The following SYCP2 variants were observed in gnomAD, a reference collection of about 807,000 sequenced individuals.
The protein encoded by SYCP2 is synaptonemal complex protein 2.
In SYCP2, 55 loss-of-function variants were observed where a neutral mutation model predicts 211.3. The ratio of observed to expected loss-of-function variants is 0.26; its 90% CI spans 0.21 to 0.33. SYCP2 has a LOEUF of 0.33. Ranked by LOEUF, SYCP2 falls within the 10% of genes least tolerant of loss-of-function variation. The pLI is 1.00. For missense variants in SYCP2, 1,731 were observed against 1,752.0 expected, an observed-to-expected ratio of 0.99 and a Z score of 0.21; for synonymous variants, 570 against 555.2, an observed-to-expected ratio of 1.03 and a Z score of -0.37.
In SYCP2 at chr20:59,890,386, T is replaced by C. The variant is rs544270466; in HGVS notation, c.2364+1604A>G. On this transcript the variant is annotated intron_variant, in intron 24 of 44. Transcript: ENST00000357552. ...ACACAGGGAGGTGAACATCACACAC[T>C]GGGGCCTGTTGGGGGGTGGAGGCCT... Among the ~76,000 whole-genome samples the C allele has an allele frequency of 5.3e-5, 8 of 152,046 alleles. No individual in the cohort carries two copies. The East Asian group carries it at 1.5e-3, about 29-fold the overall frequency.
At chr20:59,867,663 A>T in intron 39 of SYCP2, 48 bp downstream of exon 39, 1 of 1,502,206 alleles carries the variant, frequency 6.7e-7, no homozygotes, top group South Asian at 1.2e-5. Flanking sequence ...AAAGTGTGGC[A>T]TATTATTATA....
intron 18 of SYCP2, among the ~76,000 whole-genome samples, chr20:59,899,425 T>C (rs921549907): frequency 2.0e-5 from 3 of 152,154 alleles, no homozygotes; most frequent in Non-Finnish European, 4.4e-5. Context: ...CTATAGAATT[T>C]TGAAGAAAAG....
Position 59,881,998 on chromosome 20 carries a change from C to T in SYCP2, c.2605G>A (p.Asp869Asn). Reference sequence around the variant, plus strand: ...CCATTCAAATTAAAATTGTAAACATCATTCCTGTGAAAATGAAGAGCAATA... The same window carrying T: ...CCATTCAAATTAAAATTGTAAACATTATTCCTGTGAAAATGAAGAGCAATA... ...VNVTSECPVN[D>N]VYNFNLNGAD... The change falls in exon 28 of 45, where the codon GAT becomes AAT. Residue 869 changes from aspartate (D) to asparagine (N), a missense_variant. Asp to Asn is a conservative substitution (Grantham distance 23). Coordinates refer to ENST00000357552, the MANE Select transcript of SYCP2 (RefSeq NM_014258.4). 1 of 1,612,888 alleles carries T rather than the reference C, an allele frequency of 6.2e-7. No homozygotes were observed. The highest frequency in any genetic ancestry group is 1.3e-5 in the African/African-American group (1 of 74,974).
intron 20 of SYCP2, 120 bp downstream of exon 20, chr20:59,895,317 A>G (rs2059986149): frequency 1.3e-6 from 1 of 765,376 alleles, no homozygotes; most frequent in Non-Finnish European, 2.0e-6. Context: ...TATTTAGGGG[A>G]AAAAAGGTAA....
intron 33 of SYCP2, 73 bp downstream of exon 33, chr20:59,877,312 A>T: frequency 9.7e-7 from 1 of 1,030,158 alleles, no homozygotes. Context: ...GATAAATTTG[A>T]CATTTTTTAC....
At chr20:59,926,753 G>GT (rs1378137394) in intron 2 of SYCP2, among the ~76,000 whole-genome samples, 1 of 152,108 alleles carries the variant, frequency 6.6e-6, no homozygotes, top group East Asian at 1.9e-4. Context: ...AAAAGTTGAG[G>GT]TTTTGAATGT....
At chr20:59,900,869 C>G (rs779215468) in intron 16 of SYCP2, 51 bp from the exon 17 acceptor site, 1 of 1,275,250 alleles carries the variant, frequency 7.8e-7, no homozygotes, top group South Asian at 1.2e-5. Flanking sequence ...TTTCTTTCCA[C>G]TTTTTCATAT....
In SYCP2 at chr20:59,886,825, A is replaced by T; in HGVS notation, c.2374T>A (p.Ser792Thr). The change falls in exon 25 of 45, where the codon TCA becomes ACA. Residue 792 changes from serine (S) to threonine (T), a missense_variant. By Grantham distance (58) the Ser-to-Thr change is moderately conservative (BLOSUM62 1). Coordinates refer to ENST00000357552, the MANE Select transcript of SYCP2 (RefSeq NM_014258.4). Reference protein sequence around the residue: ...DSKQKKMREKSKGKEFTNVAE... With the variant: ...DSKQKKMREKTKGKEFTNVAE... Reference sequence around the variant, plus strand: ...ACATTGGTAAATTCTTTCCCTTTTGACTTTTCTCTCTGAAAAAAATTGTAA... The same window carrying T: ...ACATTGGTAAATTCTTTCCCTTTTGTCTTTTCTCTCTGAAAAAAATTGTAA... 6.4e-7 allele frequency: 1 copy of T among 1,573,660 alleles called. No individual in the cohort carries two copies. Among genetic ancestry groups the T allele is most frequent in the East Asian group, 2.3e-5 (1 of 43,378 alleles).
chr20:59,870,865 G>A (rs6015593), intron 35 of SYCP2, among the ~76,000 whole-genome samples: 2,715 of 151,838 alleles, frequency 0.018, 81 homozygotes, highest in African/African-American at 0.062. Flanking sequence ...CACTCCTGAT[G>A]TCGCACTAAT....
chr20:59,904,524 C>A (rs981675701), intron 15 of SYCP2, among the ~76,000 whole-genome samples: 3 of 152,118 alleles, frequency 2.0e-5, no homozygotes, highest in African/African-American at 7.2e-5. Context: ...TTCAGCCCCT[C>A]TGCCTAAGAA....
Position 59,875,256 on chromosome 20 carries a change from C to A in SYCP2, c.3349+15G>T. On this transcript the variant is annotated intron_variant, in intron 34 of 44. Transcript: ENST00000357552. ...ATTGAATATTCAAGTAAAGAAAAAA[C>A]AAAGTTATACTGACATCTCGTTACT... 1 of 1,529,252 alleles carries A rather than the reference C, an allele frequency of 6.5e-7. No individual in the cohort carries two copies. The allele number at this position is 1,529,252 out of a possible 1,614,324, so 94.7% of individuals were successfully genotyped here. A position where few individuals can be genotyped will look rare whatever the true frequency, so the allele number is the denominator to read the frequency against.
At position 59,900,244 on chromosome 20, in the gene SYCP2, T is replaced by C. The variant is rs1343398473; in HGVS notation, c.1298A>G (p.Glu433Gly). Residue 433 changes from glutamate to glycine, a missense_variant, in exon 18 of 45, where the codon GAG becomes GGG. By Grantham distance (98) the Glu-to-Gly change is moderately conservative (BLOSUM62 -2). Transcript: ENST00000357552. ...PESQISPVGE[E>G]LVSLKEKSKS... ...TGATTTTTCCTTTAAACTAACGAGC[T>C]CTTCTCCGACTGGTGAGATTTGACT... 6.2e-7 allele frequency: 1 copy of C among 1,612,334 alleles called. No individual in the cohort carries two copies. The highest frequency in any genetic ancestry group is 8.5e-7 in the Non-Finnish European group (1 of 1,179,528).
At chr20:59,932,589 G>A (rs115182588) in intron 1 of SYCP2, among the ~76,000 whole-genome samples, 1,560 of 152,044 alleles carry the variant, frequency 0.01, 36 homozygotes, top group African/African-American at 0.035. Flanking sequence ...CAGGAGAATC[G>A]CTGGAACCCG....
intron 14 of SYCP2, among the ~76,000 whole-genome samples, chr20:59,908,611 G>A (rs2060256535): frequency 6.6e-6 from 1 of 151,946 alleles, no homozygotes; most frequent in Non-Finnish European, 1.5e-5. Flanking sequence ...TATATATCAA[G>A]GCACTTAGTT....
At chr20:59,932,295 C>T (rs1002996086) in intron 1 of SYCP2, 141 bp from the exon 2 acceptor site, 2 of 152,138 alleles carry the variant, frequency 1.3e-5, no homozygotes, top group East Asian at 1.9e-4. Flanking sequence ...GTCCCCTCTG[C>T]CCTGGTAACT....
chr20:59,884,081 T>TA (rs1358276209), intron 26 of SYCP2, among the ~76,000 whole-genome samples: 1 of 152,106 alleles, frequency 6.6e-6, no homozygotes, highest in African/African-American at 2.4e-5. Flanking sequence ...TAAAATCCTT[T>TA]AACCTTAATA....
chr20:59,903,480 T>C (rs2060156020), intron 15 of SYCP2, among the ~76,000 whole-genome samples: 1 of 152,006 alleles, frequency 6.6e-6, no homozygotes, highest in East Asian at 1.9e-4. Context: ...ATTGATATAC[T>C]GAGAGAAAAG....
intron 17 of SYCP2, among the ~76,000 whole-genome samples, 159 bp downstream of exon 17, chr20:59,900,585 T>TA (rs1158873157): frequency 6.6e-6 from 1 of 152,148 alleles, no homozygotes. Context: ...TTATCATTAA[T>TA]AACATGTTTA....
intron 2 of SYCP2, among the ~76,000 whole-genome samples, chr20:59,924,705 A>G (rs752018954): frequency 6.6e-6 from 1 of 152,032 alleles, no homozygotes; most frequent in East Asian, 1.9e-4. Context: ...CCTTAAATAA[A>G]GGGCTACAAA....
Sources: gnomAD v4.1 joint callset for allele counts (sites outside exome capture counted in the v4.1 genomes callset) on GRCh38, gnomAD v4.1.1 for gene constraint, MANE v1.5 for transcripts, NCBI Gene and HGNC (gene_info 2026-07-23, HGNC 2026-07-21) for gene names.